PLCG2: variants seen among roughly 807,000 people sequenced by gnomAD.
The protein encoded by PLCG2 is phospholipase C gamma 2.
Under a neutral mutation model 175.6 loss-of-function variants are expected in PLCG2, and 69 were observed. The observed-to-expected ratio is 0.39, with a 90% CI of 0.32 to 0.48. The LOEUF (loss-of-function observed/expected upper bound fraction) is 0.48, where lower values mean the gene tolerates loss of function less well. Ranked by LOEUF, PLCG2 falls within the 20% of genes least tolerant of loss-of-function variation. PLCG2 has a pLI of 0.91. For synonymous variants in PLCG2, 827 were observed against 624.0 expected, an observed-to-expected ratio of 1.33 and a Z score of -4.85; for missense variants, 1,798 against 1,650.9, an observed-to-expected ratio of 1.09 and a Z score of -1.54.
At chr16:81,809,449 C>A (rs190226601) in intron 2 of PLCG2, among the ~76,000 whole-genome samples, 1 of 152,200 alleles carries the variant, frequency 6.6e-6, no homozygotes, top group Non-Finnish European at 1.5e-5. Flanking sequence ...GAATAATAAG[C>A]TTGATGACAC....
At chr16:81,935,731 C>T in intron 26 of PLCG2, 1 of 985,336 alleles carries the variant, frequency 1.0e-6, no homozygotes, top group East Asian at 1.1e-4. Context: ...TGCACAGGCA[C>T]CCACATTGCA....
At chr16:81,788,646 C>T (rs1052859822) in intron 2 of PLCG2, among the ~76,000 whole-genome samples, 2 of 152,222 alleles carry the variant, frequency 1.3e-5, no homozygotes, top group Admixed American at 1.3e-4. Context: ...TGGCCATCCA[C>T]AGGTAGACTT....
chr16:81,746,499 G>C (rs1909710359), intron 1 of PLCG2, among the ~76,000 whole-genome samples: 1 of 152,240 alleles, frequency 6.6e-6, no homozygotes, highest in Non-Finnish European at 1.5e-5. Flanking sequence ...CAAGAGCCAG[G>C]GGTGGGAACC....
intron 2 of PLCG2, among the ~76,000 whole-genome samples, chr16:81,826,363 T>C (rs182362574): frequency 2.0e-5 from 3 of 152,152 alleles, no homozygotes. Context: ...CTAGGTGCAG[T>C]AGGAGGTCAG....
At chr16:81,801,099 C>G (rs978058146) in intron 2 of PLCG2, among the ~76,000 whole-genome samples, 1 of 152,114 alleles carries the variant, frequency 6.6e-6, no homozygotes, top group African/African-American at 2.4e-5. Flanking sequence ...TTGCTCGTCT[C>G]CAGAGCTGCA....
Position 81,816,651 on chromosome 16 carries a change from A to ATTTTAACTTT in PLCG2, c.193+30473_193+30474insAACTTTTTTT, listed in dbSNP as rs1904562887. Reference sequence around the variant, plus strand: ...GCACCACCATGCCCAGCTAATTTTAATTTTTTTTTTTTTTTTTTTTTTTTT... The same window carrying ATTTTAACTTT: ...GCACCACCATGCCCAGCTAATTTTAATTTTAACTTTTTTTTTTTTTTTTTTTTTTTTTTTT... On this transcript the variant is annotated intron_variant, in intron 2 of 32. Transcript: ENST00000564138. 2.8e-5 allele frequency among the ~76,000 whole-genome samples: 3 copies of ATTTTAACTTT among 108,858 alleles called. No individual in the cohort carries two copies. In the South Asian group the frequency reaches 9.2e-4, roughly 34 times the overall value. The allele number at this position is 108,858 out of a possible 152,430, so 71.4% of individuals were successfully genotyped here.
intron 13 of PLCG2, among the ~76,000 whole-genome samples, chr16:81,900,393 G>A (rs909601852): frequency 5.3e-5 from 8 of 152,238 alleles, no homozygotes; most frequent in African/African-American, 1.9e-4. Flanking sequence ...GGGGTATGGG[G>A]AAGCTCCTGA....
At chr16:81,858,457 A>G (rs973512006) in intron 4 of PLCG2, 101 bp downstream of exon 4, 5 of 845,480 alleles carry the variant, frequency 5.9e-6, no homozygotes, top group South Asian at 5.4e-5. Context: ...AAAAAGGGAC[A>G]TTGGTTTTTT....
intron 31 of PLCG2, among the ~76,000 whole-genome samples, chr16:81,952,427 G>T (rs1317877584): frequency 2.6e-5 from 4 of 152,016 alleles, no homozygotes. Context: ...CCAATAAAAA[G>T]AAATCAGGGC....
At chr16:81,840,972 A>C (rs1473109016) in intron 2 of PLCG2, among the ~76,000 whole-genome samples, 3 of 152,340 alleles carry the variant, frequency 2.0e-5, no homozygotes, top group African/African-American at 4.8e-5. Flanking sequence ...CAGTTTCCCC[A>C]GTATCACTTA....
At chr16:81,873,393 C>A (rs1680810078) in intron 7 of PLCG2, among the ~76,000 whole-genome samples, 1 of 152,206 alleles carries the variant, frequency 6.6e-6, no homozygotes, top group Admixed American at 6.5e-5. Flanking sequence ...TAAAAATAGT[C>A]CTTGAGAACA....
In PLCG2 at chr16:81,900,791, CG is replaced by C; in HGVS notation, c.1362+14del. 1 of 1,591,382 alleles carries C rather than the reference CG, an allele frequency of 6.3e-7. No homozygotes were observed. The highest frequency in any genetic ancestry group is 8.6e-7 in the Non-Finnish European group (1 of 1,161,702). On this transcript the variant is annotated intron_variant, in intron 14 of 32. Coordinates refer to ENST00000564138, the MANE Select transcript of PLCG2 (RefSeq NM_002661.5). The stretch of plus-strand genomic sequence containing the variant: ...AAGATCATCATCAAGGTAGGCACCC[CG>C]GGTGCTGCTGTTGGCTGTCCAGGGA...
At chr16:81,809,636 C>T (rs559162111) in intron 2 of PLCG2, among the ~76,000 whole-genome samples, 1 of 152,200 alleles carries the variant, frequency 6.6e-6, no homozygotes, top group African/African-American at 2.4e-5. Context: ...AACACATGGA[C>T]CAGACTTGGG....
intron 5 of PLCG2, among the ~76,000 whole-genome samples, chr16:81,863,670 C>T (rs1369995047): frequency 6.6e-6 from 1 of 152,248 alleles, no homozygotes; most frequent in Non-Finnish European, 1.5e-5. Flanking sequence ...GTAGCAGCTA[C>T]ACCTTCCCAA....
chr16:81,813,426 A>G (rs182435132), intron 2 of PLCG2, among the ~76,000 whole-genome samples: 1 of 152,204 alleles, frequency 6.6e-6, no homozygotes, highest in Admixed American at 6.5e-5. Flanking sequence ...TTATTCTCTT[A>G]GTAGCAATTG....
rs4889428 is a variant in PLCG2, at chr16:81,891,389, C to G, written c.868-83C>G. Reference sequence around the variant, plus strand: ...TCCCGCATCAGAGCTGTTCTTCCCCCCTGGTGGGCGCAGACCAGAAACAAG... The same window carrying G: ...TCCCGCATCAGAGCTGTTCTTCCCCGCTGGTGGGCGCAGACCAGAAACAAG... On this transcript the variant is annotated intron_variant, in intron 10 of 32. Transcript: ENST00000564138. 2.0e-4 allele frequency: 161 copies of G among 818,470 alleles called. 1 individual carries two copies. The East Asian group carries it at 2.9e-3, about 15-fold the overall frequency. The allele number at this position is 818,470 out of a possible 1,614,324, so 50.7% of individuals were successfully genotyped here.
intron 2 of PLCG2, among the ~76,000 whole-genome samples, chr16:81,804,648 C>T (rs1264804992): frequency 1.3e-5 from 2 of 152,194 alleles, no homozygotes; most frequent in African/African-American, 2.4e-5. Flanking sequence ...AAGCATAGCA[C>T]AGACTTTTCA....
At chr16:81,825,259 A>G (rs55833904) in intron 2 of PLCG2, among the ~76,000 whole-genome samples, 5,995 of 151,600 alleles carry the variant, frequency 0.04, 170 homozygotes, top group African/African-American at 0.073. Flanking sequence ...TAATCTTTTA[A>G]ATTAGATCTG....
In PLCG2 at chr16:81,875,670, A is replaced by G. The variant is rs137918666; in HGVS notation, c.648+4735A>G. Among the ~76,000 whole-genome samples the G allele has an allele frequency of 5.1e-3, 784 of 152,342 alleles. 4 individuals are homozygous for G. Among genetic ancestry groups the G allele is most frequent in the Non-Finnish European group, 7.8e-3 (530 of 68,044 alleles). ...CAATACTGTAATTTAATACCTGGCT[A>G]CGTGACTGCTACCCTGCTACCTCCT... On this transcript the variant is annotated intron_variant, in intron 7 of 32. Coordinates refer to ENST00000564138, the MANE Select transcript of PLCG2 (RefSeq NM_002661.5).
Sources: gnomAD v4.1 joint callset for allele counts (sites outside exome capture counted in the v4.1 genomes callset) on GRCh38, gnomAD v4.1.1 for gene constraint, MANE v1.5 for transcripts, NCBI Gene and HGNC (gene_info 2026-07-23, HGNC 2026-07-21) for gene names.